The following GABRG2 variants were observed in gnomAD, a reference collection of about 807,000 sequenced individuals.
GABRG2 encodes gamma-aminobutyric acid type A receptor subunit gamma2.
GABRG2 carries 16 observed loss-of-function variants against 56.4 expected under a neutral mutation model. The observed-to-expected ratio is 0.28, with a 90% confidence interval of 0.19 to 0.43. The LOEUF is 0.43. Among genes scored for constraint, GABRG2 ranks in the 20% least tolerant of loss-of-function variants. The pLI is 1.00. For synonymous variants in GABRG2, 208 were observed against 205.5 expected (o/e 1.01, Z -0.10); for missense variants, 327 against 582.7 (o/e 0.56, Z 4.52).
chr5:162,098,182 T>C, intron 4 of GABRG2: 1 of 315,852 alleles, frequency 3.2e-6, no homozygotes, highest in Non-Finnish European at 5.9e-6. Flanking sequence ...ACTCTTATGC[T>C]TGGCAATATC....
chr5:162,093,542 G>T (rs1024713741), intron 1 of GABRG2, among the ~76,000 whole-genome samples: 1 of 152,110 alleles, frequency 6.6e-6, no homozygotes, highest in South Asian at 2.1e-4. Context: ...TCAGGAGACT[G>T]GGAAGTAGGC....
chr5:162,109,770 G>T (rs1762127304), intron 6 of GABRG2, among the ~76,000 whole-genome samples: 1 of 151,848 alleles, frequency 6.6e-6, no homozygotes, highest in South Asian at 2.1e-4. Context: ...TTGTCATGTT[G>T]CCACGGCCAG....
rs750182751 is a variant in GABRG2, at chr5:162,127,290, T to A, written c.770-14874T>A. Reference sequence around the variant, plus strand: ...TCACTAGTGCCTGTACTTTAGATATTTGTGGCTAATGGCATTTCCCCAAAA... The same window carrying A: ...TCACTAGTGCCTGTACTTTAGATATATGTGGCTAATGGCATTTCCCCAAAA... On this transcript the variant is annotated intron_variant, in intron 6 of 9. Transcript: ENST00000639213. 3.5e-4 allele frequency among the ~76,000 whole-genome samples: 53 copies of A among 151,970 alleles called. 1 individual carries two copies. The highest frequency in any genetic ancestry group is 2.8e-4 in the Non-Finnish European group (19 of 67,938).
intron 1 of GABRG2, among the ~76,000 whole-genome samples, chr5:162,084,757 A>G (rs952113464): frequency 4.0e-5 from 6 of 151,886 alleles, no homozygotes; most frequent in Non-Finnish European, 7.4e-5. Flanking sequence ...CTTGATGGTA[A>G]ATAATTACGT....
chr5:162,104,329 A>T (rs1163133780), intron 6 of GABRG2, among the ~76,000 whole-genome samples: 1 of 152,186 alleles, frequency 6.6e-6, no homozygotes, highest in African/African-American at 2.4e-5. Context: ...CTGTTTTAGA[A>T]AGTATGTTTC....
chr5:162,133,370 C>T lies in GABRG2; in HGVS notation c.770-8794C>T, dbSNP rs761968137. Among the ~76,000 whole-genome samples, 57 of 152,180 alleles carry T rather than the reference C, an allele frequency of 3.7e-4. 1 individual carries two copies. Among genetic ancestry groups the T allele is most frequent in the East Asian group, 5.8e-4 (3 of 5,176 alleles). ...AGTGGGAGAATTTAAACAACTTACT[C>T]GCATTTCTGTACCTTATTATCATGA... On this transcript the variant is annotated intron_variant, in intron 6 of 9. Coordinates refer to ENST00000639213, the MANE Select transcript of GABRG2 (RefSeq NM_198904.4).
At chr5:162,143,677 A>T (rs952943206) in intron 7 of GABRG2, among the ~76,000 whole-genome samples, 1 of 152,202 alleles carries the variant, frequency 6.6e-6, no homozygotes, top group African/African-American at 2.4e-5. Flanking sequence ...GACATCACAC[A>T]TTTAGGATAA....
chr5:162,076,572 G>T (rs1759126465), intron 1 of GABRG2, among the ~76,000 whole-genome samples: 1 of 152,126 alleles, frequency 6.6e-6, no homozygotes, highest in African/African-American at 2.4e-5. Flanking sequence ...CCTTCCTGAA[G>T]ATAATTTTGT....
intron 6 of GABRG2, among the ~76,000 whole-genome samples, chr5:162,105,293 A>G (rs58238659): frequency 6.6e-6 from 1 of 152,180 alleles, no homozygotes; most frequent in Non-Finnish European, 1.5e-5. Flanking sequence ...GAGCATTTGC[A>G]ACTGTCTCCT....
intron 1 of GABRG2, among the ~76,000 whole-genome samples, chr5:162,093,330 T>C (rs1760750773): frequency 1.3e-5 from 2 of 152,098 alleles, no homozygotes. Context: ...TTGAGCTCTC[T>C]CCTTAGTGTT....
chr5:162,067,546 A>T (rs932845897), upstream of GABRG2: 14 of 426,270 alleles, frequency 3.3e-5, no homozygotes, highest in African/African-American at 2.9e-4. Context: ...ATTTATTTTA[A>T]ATACACACAC....
intron 6 of GABRG2, among the ~76,000 whole-genome samples, chr5:162,129,582 C>T (rs1763577291): frequency 6.6e-6 from 1 of 151,754 alleles, no homozygotes; most frequent in African/African-American, 2.4e-5. Flanking sequence ...ATCCATTCAA[C>T]AAATCTATGA....
rs886060380 is a variant in GABRG2 at position 162,067,896 on chromosome 5, T to G, written c.-104T>G. The stretch of plus-strand genomic sequence containing the variant: ...CAGTGAAGGACCTACTAGAGGCAGG[T>G]GGGGGGAGCCACCATCAGATCATAA... On this transcript the variant is annotated 5_prime_UTR_variant, in exon 1 of 10. Transcript: ENST00000639213. The G allele has an allele frequency of 9.8e-4, 774 of 790,144 alleles. 1 individual carries two copies. The highest frequency in any genetic ancestry group is 1.3e-3 in the Non-Finnish European group (606 of 458,744). 48.9% of individuals were successfully genotyped at this position (790,144 alleles called of 1,614,324 possible).
chr5:162,137,981 A>G (rs1413167096), intron 6 of GABRG2, among the ~76,000 whole-genome samples: 1 of 151,128 alleles, frequency 6.6e-6, no homozygotes, highest in African/African-American at 2.4e-5. Flanking sequence ...GCTGGTGTTG[A>G]ACTCCTGGAC....
chr5:162,071,778 A>G (rs1194921325), intron 1 of GABRG2, among the ~76,000 whole-genome samples: 1 of 151,878 alleles, frequency 6.6e-6, no homozygotes, highest in African/African-American at 2.4e-5. Context: ...AAAAATCTTT[A>G]TTTCCTCAGC....
chr5:162,102,363 C>A (rs211036), intron 5 of GABRG2: 5 of 385,934 alleles, frequency 1.3e-5, no homozygotes, highest in African/African-American at 1.0e-4. Context: ...TTCTTTCTTG[C>A]GTCAGCTAAA....
At chr5:162,099,827 C>T (rs1198931314) in intron 4 of GABRG2, 1 of 152,102 alleles carries the variant, frequency 6.6e-6, no homozygotes, top group African/African-American at 2.4e-5. Flanking sequence ...TTTGTTCTGG[C>T]TATCTAAAAT....
chr5:162,127,376 T>C (rs17462431), intron 6 of GABRG2, among the ~76,000 whole-genome samples: 13,716 of 152,014 alleles, frequency 0.09, 812 homozygotes, highest in Non-Finnish European at 0.14. Flanking sequence ...TGTTCTAGTT[T>C]GTTTTCTTCA....
chr5:162,095,769 A>T (rs553419567), intron 3 of GABRG2, among the ~76,000 whole-genome samples: 19 of 152,116 alleles, frequency 1.2e-4, no homozygotes, highest in African/African-American at 4.3e-4. Flanking sequence ...GGGACCATAT[A>T]TATAATTAAT....
Sources: gnomAD v4.1 joint callset for allele counts (sites outside exome capture counted in the v4.1 genomes callset) on GRCh38, gnomAD v4.1.1 for gene constraint, MANE v1.5 for transcripts, NCBI Gene and HGNC (gene_info 2026-07-23, HGNC 2026-07-21) for gene names.